SAV1: variants seen among roughly 807,000 people sequenced by gnomAD.
SAV1 encodes the protein protein salvador homolog 1.
Under a neutral mutation model 47.3 loss-of-function variants are expected in SAV1, and 23 were observed. The ratio of observed to expected loss-of-function variants is 0.49; its 90% confidence interval spans 0.35 to 0.69. The LOEUF (loss-of-function observed/expected upper bound fraction) is 0.69, where lower values mean the gene tolerates loss of function less well. Among genes scored for constraint, SAV1 ranks in the 30% least tolerant of loss-of-function variants. SAV1 has a pLI of 0.01. For synonymous variants in SAV1, 155 were observed against 159.2 expected (o/e 0.97, Z 0.20); for missense variants, 448 against 457.4 (o/e 0.98, Z 0.19).
At chr14:50,666,636 A>G (rs1374769765) in intron 1 of SAV1, among the ~76,000 whole-genome samples, 1 of 152,246 alleles carries the variant, frequency 6.6e-6, no homozygotes, top group Non-Finnish European at 1.5e-5. Flanking sequence ...CATGTACCCC[A>G]GAACTTAAAG....
In SAV1 at chr14:50,634,895, C is replaced by A; in HGVS notation, c.*288G>T. ...TAACAAGTAATAATTTCCTATTTAACATCTGTTCATAATGACATTTCCGCT... is the reference window on the plus strand; with the variant it reads ...TAACAAGTAATAATTTCCTATTTAAAATCTGTTCATAATGACATTTCCGCT... On this transcript the variant is annotated 3_prime_UTR_variant, in exon 5 of 5. Transcript: ENST00000324679. 1 of 261,700 alleles carries A rather than the reference C, an allele frequency of 3.8e-6. No homozygotes were observed. The highest frequency in any genetic ancestry group is 7.2e-6 in the Non-Finnish European group (1 of 138,482). The allele number at this position is 261,700 out of a possible 1,614,324, so 16.2% of individuals were successfully genotyped here.
chr14:50,647,597 C>T (rs921290452), intron 2 of SAV1, among the ~76,000 whole-genome samples: 2 of 151,862 alleles, frequency 1.3e-5, no homozygotes, highest in African/African-American at 2.4e-5. Flanking sequence ...GAAAACAAAA[C>T]GACCCAGTTA....
At chr14:50,663,207 A>T (rs1240575223) in intron 2 of SAV1, 1 of 152,222 alleles carries the variant, frequency 6.6e-6, no homozygotes, top group Non-Finnish European at 1.5e-5. Flanking sequence ...ACATCCATGT[A>T]AAAAAAGAAT....
chr14:50,648,732 T>G (rs1254895189), intron 2 of SAV1, among the ~76,000 whole-genome samples: 1 of 151,560 alleles, frequency 6.6e-6, no homozygotes, highest in African/African-American at 2.4e-5. Context: ...GAGCCGAGAT[T>G]GCGCCACTGC....
Position 50,644,859 on chromosome 14 carries a change from G to C in SAV1, c.691C>G (p.Leu231Val). The change falls in exon 3 of 5, where the codon CTT becomes GTT. Residue 231 changes from leucine to valine, a missense_variant. By Grantham distance (32) the Leu-to-Val change is conservative (BLOSUM62 1). Coordinates refer to ENST00000324679, the MANE Select transcript of SAV1 (RefSeq NM_021818.4). ...CCAGGAGGAAGTCCTTCTCGCTCAA[G>C]AGGATGGCTCCAGTGAGTTGTATTT... ...NTNTTHWSHP[L>V]EREGLPPGWE... The C allele has an allele frequency of 1.9e-6, 3 of 1,614,156 alleles. No individual in the cohort carries two copies. The highest frequency in any genetic ancestry group is 1.1e-5 in the South Asian group (1 of 91,078).
intron 1 of SAV1, among the ~76,000 whole-genome samples, chr14:50,666,284 G>A (rs1051642517): frequency 6.6e-6 from 1 of 152,152 alleles, no homozygotes; most frequent in African/African-American, 2.4e-5. Context: ...AACCAAGCCT[G>A]AAACTATGTA....
At chr14:50,640,032 G>A (rs1368858024) in intron 4 of SAV1, among the ~76,000 whole-genome samples, 3 of 152,180 alleles carry the variant, frequency 2.0e-5, no homozygotes, top group African/African-American at 7.2e-5. Context: ...CACCCAGGCT[G>A]GAGTGCAGTG....
chr14:50,651,671 G>C (rs1333246478), intron 2 of SAV1, among the ~76,000 whole-genome samples: 1 of 152,136 alleles, frequency 6.6e-6, no homozygotes, highest in Non-Finnish European at 1.5e-5. Context: ...CTGTCACCCA[G>C]GCTGGAGTGC....
At chr14:50,665,674 T>C in intron 1 of SAV1, 55 bp from the exon 2 acceptor site, 2 of 1,446,880 alleles carry the variant, frequency 1.4e-6, no homozygotes, top group Non-Finnish European at 1.8e-6. Flanking sequence ...ACAAAAGTTT[T>C]CGAAATTTGT....
intron 3 of SAV1, among the ~76,000 whole-genome samples, chr14:50,644,276 T>G (rs185090158): frequency 2.1e-4 from 32 of 152,346 alleles, no homozygotes; most frequent in Admixed American, 2.1e-3. Context: ...ATGGGATGTT[T>G]TGTTCAGTCC....
rs1396659415 is a variant in SAV1, at chr14:50,634,430, C to T, written c.*753G>A. 1 of 224,336 alleles carries T rather than the reference C, an allele frequency of 4.5e-6. No individual in the cohort carries two copies. Among genetic ancestry groups the T allele is most frequent in the African/African-American group, 2.3e-5 (1 of 43,396 alleles). 13.9% of individuals were successfully genotyped at this position (224,336 alleles called of 1,614,324 possible). On this transcript the variant is annotated 3_prime_UTR_variant, in exon 5 of 5. Transcript: ENST00000324679. ...AAGTGGTGCGATCTTGACCCTGCAA[C>T]CTCTGCCTCTTGGGCTCAAGCCATC...
intron 1 of SAV1, chr14:50,667,509 G>T (rs2039912657): frequency 2.1e-6 from 1 of 467,044 alleles, no homozygotes. Flanking sequence ...ATCTAAAAGA[G>T]TAAAAAGTGT....
intron 4 of SAV1, among the ~76,000 whole-genome samples, chr14:50,640,023 A>G (rs913135784): frequency 9.2e-5 from 14 of 152,172 alleles, no homozygotes; most frequent in African/African-American, 3.4e-4. Context: ...ATGCTCTGTC[A>G]CCCAGGCTGG....
chr14:50,650,200 GC>G (rs2039755804), intron 2 of SAV1, among the ~76,000 whole-genome samples: 1 of 152,238 alleles, frequency 6.6e-6, no homozygotes, highest in Non-Finnish European at 1.5e-5. Flanking sequence ...AACATACAAT[GC>G]ATATGCATAA....
chr14:50,653,527 T>C (rs556689825), intron 2 of SAV1, among the ~76,000 whole-genome samples: 9 of 152,304 alleles, frequency 5.9e-5, no homozygotes, highest in African/African-American at 1.9e-4. Context: ...AAAGTGAATA[T>C]TGCAATAAAG....
Position 50,665,357 on chromosome 14 carries a change from T to C in SAV1, c.357A>G (p.Glu119=). ...CTCCATTTTCAACAGCAAAACTAAC[T>C]TCCGTTACAAATGACTGAGAAGAAC... ...EYGSSQSFVT[E]VSFAVENGDS... The change falls in exon 2 of 5, where the codon GAA becomes GAG. Residue 119 remains glutamate (E), a synonymous_variant. Coordinates refer to ENST00000324679, the MANE Select transcript of SAV1 (RefSeq NM_021818.4). The C allele has an allele frequency of 1.2e-6, 2 of 1,612,814 alleles. No homozygotes were observed. The highest frequency in any genetic ancestry group is 2.2e-5 in the South Asian group (2 of 90,920).
chr14:50,642,460 G>A (rs138357468), intron 3 of SAV1, among the ~76,000 whole-genome samples: 34 of 148,720 alleles, frequency 2.3e-4, no homozygotes, highest in Middle Eastern at 3.5e-3. Flanking sequence ...CTGCACTCCA[G>A]CCTTGGCAAC....
chr14:50,643,361 A>T (rs1284215436), intron 3 of SAV1, among the ~76,000 whole-genome samples: 1 of 152,198 alleles, frequency 6.6e-6, no homozygotes, highest in East Asian at 1.9e-4. Context: ...AGGAAACTTA[A>T]ATCATGGCAG....
chr14:50,646,519 C>A (rs995500048), intron 2 of SAV1, among the ~76,000 whole-genome samples: 6 of 152,054 alleles, frequency 3.9e-5, no homozygotes, highest in African/African-American at 1.4e-4. Context: ...AACCCCGTCT[C>A]TATTAAAAAC....
Sources: gnomAD v4.1 joint callset for allele counts (sites outside exome capture counted in the v4.1 genomes callset) on GRCh38, gnomAD v4.1.1 for gene constraint, MANE v1.5 for transcripts, NCBI Gene and HGNC (gene_info 2026-07-23, HGNC 2026-07-21) for gene names.